Variants in EFCAB6 observed in about 807,000 individuals in gnomAD.
EFCAB6 encodes EF-hand calcium-binding domain-containing protein 6.
Under a neutral mutation model 169.8 loss-of-function variants are expected in EFCAB6, and 156 were observed. That is an observed-to-expected ratio of 0.92 (90% CI 0.81 to 1.05). The LOEUF (loss-of-function observed/expected upper bound fraction) is 1.05, where lower values mean the gene tolerates loss of function less well. Among genes scored for constraint, EFCAB6 ranks in the 50% least tolerant of loss-of-function variants. EFCAB6 has a pLI of 0.00. For synonymous variants in EFCAB6, 698 were observed against 676.4 expected (o/e 1.03, Z -0.50); for missense variants, 1,800 against 1,829.1 (o/e 0.98, Z 0.29).
chr22:43,629,085 C>A (rs916654206), intron 19 of EFCAB6, among the ~76,000 whole-genome samples: 2 of 152,186 alleles, frequency 1.3e-5, no homozygotes, highest in African/African-American at 2.4e-5. Context: ...AGACAGGAAG[C>A]AAATCATGGC....
At chr22:43,683,517 T>C in intron 12 of EFCAB6, 2 of 516,454 alleles carry the variant, frequency 3.9e-6, no homozygotes, top group East Asian at 6.4e-5. Context: ...CCTATGTTAC[T>C]GTATTGCAAT....
Position 43,554,856 on chromosome 22 carries a change from T to C in EFCAB6, c.3648+13A>G. 6.2e-7 allele frequency: 1 copy of C among 1,613,048 alleles called. No homozygotes were observed. The highest frequency in any genetic ancestry group is 8.5e-7 in the Non-Finnish European group (1 of 1,178,952). On this transcript the variant is annotated intron_variant, in intron 27 of 31. Transcript: ENST00000262726. ...AACGGTGTGCAGGGTGAGGACTGACTGGCGTTTCTTACCTGTTCGTCCGTC... is the reference window on the plus strand; with the variant it reads ...AACGGTGTGCAGGGTGAGGACTGACCGGCGTTTCTTACCTGTTCGTCCGTC...
intron 23 of EFCAB6, among the ~76,000 whole-genome samples, chr22:43,598,782 C>T (rs2052253719): frequency 6.6e-6 from 1 of 151,814 alleles, no homozygotes; most frequent in South Asian, 2.1e-4. Context: ...TACTATGTAC[C>T]CACACATTTT....
intron 20 of EFCAB6, among the ~76,000 whole-genome samples, chr22:43,616,224 A>G (rs1300343757): frequency 1.3e-5 from 2 of 152,252 alleles, no homozygotes; most frequent in African/African-American, 4.8e-5. Flanking sequence ...ACAATATAAC[A>G]TTAAGTGTCT....
intron 6 of EFCAB6, among the ~76,000 whole-genome samples, chr22:43,752,971 AG>A: frequency 6.6e-6 from 1 of 152,322 alleles, no homozygotes; most frequent in East Asian, 1.9e-4. Flanking sequence ...CAGTAGGGGA[AG>A]GGACTCACAT....
chr22:43,587,607 C>G (rs538235779), intron 24 of EFCAB6, among the ~76,000 whole-genome samples: 1 of 152,034 alleles, frequency 6.6e-6, no homozygotes. Flanking sequence ...AAATCTCCCT[C>G]TGCCTCCCTC....
chr22:43,662,332 G>A (rs1397198379), intron 17 of EFCAB6, among the ~76,000 whole-genome samples: 1 of 152,052 alleles, frequency 6.6e-6, no homozygotes, highest in Non-Finnish European at 1.5e-5. Flanking sequence ...CTCTATTTCT[G>A]CCATTCTCCC....
chr22:43,636,163 T>C (rs2055378378), intron 17 of EFCAB6, among the ~76,000 whole-genome samples: 1 of 152,180 alleles, frequency 6.6e-6, no homozygotes, highest in African/African-American at 2.4e-5. Context: ...CGGAAGGCTT[T>C]CTAGGAGAAC....
At chr22:43,702,569 C>T (rs1366939443) in intron 10 of EFCAB6, among the ~76,000 whole-genome samples, 1 of 152,188 alleles carries the variant, frequency 6.6e-6, no homozygotes. Flanking sequence ...AGGTGGACGC[C>T]CAGCTTCCTG....
At chr22:43,671,245 A>C (rs2057478869) in intron 15 of EFCAB6, among the ~76,000 whole-genome samples, 1 of 152,118 alleles carries the variant, frequency 6.6e-6, no homozygotes, top group African/African-American at 2.4e-5. Flanking sequence ...CTAGTTGCCC[A>C]GGCTGGAGTG....
intron 24 of EFCAB6, among the ~76,000 whole-genome samples, chr22:43,583,273 CT>C (rs1320690750): frequency 1.3e-5 from 2 of 151,548 alleles, no homozygotes; most frequent in Admixed American, 6.6e-5. Context: ...CTTGTTTACT[CT>C]TCCCCATTAA....
At chr22:43,786,756 GAA>G (rs546144339) in intron 2 of EFCAB6, among the ~76,000 whole-genome samples, 1 of 151,224 alleles carries the variant, frequency 6.6e-6, no homozygotes, top group Non-Finnish European at 1.5e-5. Context: ...AGAAAGAAAA[GAA>G]AAAAAGCTAA....
At chr22:43,598,325 A>AACAAAC (rs1569223162) in intron 23 of EFCAB6, among the ~76,000 whole-genome samples, 4 of 149,530 alleles carry the variant, frequency 2.7e-5, no homozygotes, top group East Asian at 2.0e-4. Flanking sequence ...AAAAAAAAAA[A>AACAAAC]AAAAAAAAAA....
intron 11 of EFCAB6, among the ~76,000 whole-genome samples, chr22:43,685,353 A>C (rs904429226): frequency 2.6e-5 from 4 of 151,730 alleles, no homozygotes; most frequent in Admixed American, 6.6e-5. Flanking sequence ...GTGCGGGGGG[A>C]AGATTTGCCC....
intron 17 of EFCAB6, among the ~76,000 whole-genome samples, chr22:43,661,624 A>T (rs913570566): frequency 6.6e-6 from 1 of 152,018 alleles, no homozygotes; most frequent in African/African-American, 2.4e-5. Flanking sequence ...TCCCCTCCTC[A>T]CAGTAGATAT....
chr22:43,805,026 A>G, intron 2 of EFCAB6, among the ~76,000 whole-genome samples: 1 of 152,262 alleles, frequency 6.6e-6, no homozygotes, highest in East Asian at 1.9e-4. Flanking sequence ...AAAGTTGCAG[A>G]ATGCAAAGTC....
chr22:43,712,133 A>G (rs955700903), intron 9 of EFCAB6, among the ~76,000 whole-genome samples: 1 of 152,154 alleles, frequency 6.6e-6, no homozygotes, highest in African/African-American at 2.4e-5. Context: ...CTTTTTTTTA[A>G]TGAGGAATTA....
chr22:43,751,746 G>A (rs905439964), intron 6 of EFCAB6, among the ~76,000 whole-genome samples: 2 of 152,228 alleles, frequency 1.3e-5, no homozygotes, highest in Admixed American at 1.3e-4. Flanking sequence ...TTCTCTCTGT[G>A]ATGGACTGGG....
At chr22:43,683,238 C>T (rs901636365) in intron 12 of EFCAB6, among the ~76,000 whole-genome samples, 2 of 152,294 alleles carry the variant, frequency 1.3e-5, no homozygotes, top group African/African-American at 4.8e-5. Flanking sequence ...TAAAGTCAGA[C>T]AGGAGCTAAT....
Sources: gnomAD v4.1 joint callset for allele counts (sites outside exome capture counted in the v4.1 genomes callset) on GRCh38, gnomAD v4.1.1 for gene constraint, MANE v1.5 for transcripts, NCBI Gene and HGNC (gene_info 2026-07-23, HGNC 2026-07-21) for gene names.